ZFAT: variants seen among roughly 807,000 people sequenced by gnomAD.
The protein encoded by ZFAT is zinc finger and AT-hook domain containing, also known as zinc finger protein ZFAT.
In ZFAT, 64 loss-of-function variants were observed where a neutral mutation model predicts 117.7. That is an observed-to-expected ratio of 0.54 (90% CI 0.44 to 0.67). The LOEUF (loss-of-function observed/expected upper bound fraction) is 0.67. Among genes scored for constraint, ZFAT ranks in the 30% least tolerant of loss-of-function variants. The pLI is 0.00. For missense variants in ZFAT, 1,433 were observed against 1,584.5 expected, an observed-to-expected ratio of 0.90 and a Z score of 1.62; for synonymous variants, 679 against 615.0, an observed-to-expected ratio of 1.10 and a Z score of -1.54.
chr8:134,611,037 C>A (rs1227567161), intron 3 of ZFAT, among the ~76,000 whole-genome samples: 4 of 152,262 alleles, frequency 2.6e-5, no homozygotes, highest in Admixed American at 6.5e-5. Context: ...ATTCAACTTA[C>A]ACTTATCAGC....
intron 10 of ZFAT, among the ~76,000 whole-genome samples, chr8:134,579,537 A>T (rs1035748983): frequency 2.6e-5 from 4 of 152,318 alleles, no homozygotes; most frequent in East Asian, 1.9e-4. Context: ...TCCCTCCCAC[A>T]TCACATGAGA....
chr8:134,482,864 G>A lies in ZFAT; in HGVS notation c.3493-4143C>T, dbSNP rs543317184. 7.2e-5 allele frequency among the ~76,000 whole-genome samples: 11 copies of A among 152,336 alleles called. No individual in the cohort carries two copies. In the South Asian group the frequency reaches 1.4e-3, roughly 20 times the overall value. Reference sequence around the variant, plus strand: ...CTGTTGCCCTGTCGTGTTACTGAGCGTCCAAGACACGCAGGGTTCCTGAAG... The same window carrying A: ...CTGTTGCCCTGTCGTGTTACTGAGCATCCAAGACACGCAGGGTTCCTGAAG... On this transcript the variant is annotated intron_variant, in intron 15 of 15. Coordinates refer to ENST00000377838, the MANE Select transcript of ZFAT (RefSeq NM_020863.4).
chr8:134,714,026 A>G (rs554181897), upstream of ZFAT, among the ~76,000 whole-genome samples: 25 of 42,620 alleles, frequency 5.9e-4, no homozygotes, highest in Non-Finnish European at 1.1e-3. Context: ...CACTTACAGT[A>G]GTCATATAAA....
At chr8:134,622,921 C>T (rs960348171) in intron 3 of ZFAT, among the ~76,000 whole-genome samples, 10 of 152,112 alleles carry the variant, frequency 6.6e-5, no homozygotes, top group Non-Finnish European at 8.8e-5. Flanking sequence ...CAGCTGCCCT[C>T]GGTCCCACAG....
chr8:134,533,009 C>A, intron 11 of ZFAT, 37 bp from the exon 12 acceptor site: 1 of 1,573,542 alleles, frequency 6.4e-7, no homozygotes, highest in Non-Finnish European at 8.6e-7. Context: ...GAAAGGTGAG[C>A]CCCAGATGTC....
the ZFAT span, among the ~76,000 whole-genome samples, chr8:134,761,364 A>G: frequency 0.77 from 116,190 of 151,818 alleles, 44,981 homozygotes; most frequent in African/African-American, 0.89. Flanking sequence ...GGCTATGGAA[A>G]CACATAGTAG....
At chr8:134,617,242 G>C (rs907755434) in intron 3 of ZFAT, among the ~76,000 whole-genome samples, 5 of 152,134 alleles carry the variant, frequency 3.3e-5, no homozygotes, top group African/African-American at 1.2e-4. Context: ...CACACACCTG[G>C]AGCAGGGACT....
chr8:134,614,100 A>C (rs1405483835), intron 3 of ZFAT, among the ~76,000 whole-genome samples: 1 of 152,052 alleles, frequency 6.6e-6, no homozygotes, highest in Non-Finnish European at 1.5e-5. Context: ...TAAAAATCCA[A>C]ATCTAATCCT....
intron 3 of ZFAT, among the ~76,000 whole-genome samples, chr8:134,631,585 T>G (rs527403712): frequency 1.3e-5 from 2 of 152,318 alleles, no homozygotes; most frequent in South Asian, 4.1e-4. Flanking sequence ...GTGAGTCCAT[T>G]TACACAGTGT....
chr8:134,590,353 G>A lies in ZFAT; in HGVS notation c.2478C>T (p.Asp826=). 1 of 1,606,466 alleles carries A rather than the reference G, an allele frequency of 6.2e-7. No homozygotes were observed. The highest frequency in any genetic ancestry group is 8.5e-7 in the Non-Finnish European group (1 of 1,175,094). ...QAHLKVHTAL[D]KRSYSCPVCE... ...AAACAGGACAAGAATAACTCCTTTT[G>A]TCCTTAATAGAAAGAGAACATAATC... is the stretch of plus-strand genomic sequence containing the variant. Residue 826 remains aspartate (D), a splice_region_variant and synonymous_variant, in exon 8 of 16, where the codon GAC becomes GAT. Coordinates refer to ENST00000377838, the MANE Select transcript of ZFAT (RefSeq NM_020863.4).
chr8:134,774,263 C>T, the ZFAT span, among the ~76,000 whole-genome samples: 1 of 152,156 alleles, frequency 6.6e-6, no homozygotes, highest in Admixed American at 6.5e-5. Context: ...TCCCAAAATG[C>T]TGGGATTACA....
At chr8:134,637,234 AG>A (rs1830271860) in intron 3 of ZFAT, among the ~76,000 whole-genome samples, 1 of 152,268 alleles carries the variant, frequency 6.6e-6, no homozygotes, top group African/African-American at 2.4e-5. Flanking sequence ...CTAGCAAAGC[AG>A]TCCCCTGACC....
At chr8:134,693,855 C>T (rs993021925) in intron 1 of ZFAT, among the ~76,000 whole-genome samples, 4 of 152,198 alleles carry the variant, frequency 2.6e-5, no homozygotes, top group Non-Finnish European at 4.4e-5. Flanking sequence ...AGTAACTTTA[C>T]AGTGAAGAAA....
intron 15 of ZFAT, among the ~76,000 whole-genome samples, chr8:134,498,391 G>A (rs548613920): frequency 1.1e-5 from 1 of 91,202 alleles, no homozygotes; most frequent in South Asian, 4.8e-4. Context: ...GGGTGGAACT[G>A]GGATGCCCCC....
intron 3 of ZFAT, among the ~76,000 whole-genome samples, chr8:134,614,443 T>C (rs1036404038): frequency 1.3e-5 from 2 of 152,210 alleles, no homozygotes; most frequent in Non-Finnish European, 2.9e-5. Flanking sequence ...TCCTCTGTGA[T>C]ACTCTGTACC....
the ZFAT span, among the ~76,000 whole-genome samples, chr8:134,817,394 TACACACACA>T: frequency 2.4e-5 from 3 of 126,072 alleles, no homozygotes; most frequent in African/African-American, 9.1e-5. Flanking sequence ...TCTCTCTCTC[TACACACACA>T]CACACACACA....
chr8:134,688,815 G>A (rs1276424068), intron 1 of ZFAT, among the ~76,000 whole-genome samples: 2 of 152,192 alleles, frequency 1.3e-5, no homozygotes, highest in African/African-American at 2.4e-5. Flanking sequence ...CCAAATAAGA[G>A]CTTGCTGCAG....
chr8:134,534,698 G>A (rs997302430), intron 11 of ZFAT, among the ~76,000 whole-genome samples: 1 of 145,356 alleles, frequency 6.9e-6, no homozygotes, highest in Non-Finnish European at 1.5e-5. Context: ...GGGAGACAAG[G>A]AAAGAGACGG....
At chr8:134,596,010 C>T (rs1256395384) in intron 7 of ZFAT, among the ~76,000 whole-genome samples, 1 of 152,176 alleles carries the variant, frequency 6.6e-6, no homozygotes, top group East Asian at 1.9e-4. Flanking sequence ...GGCCAGGCAG[C>T]CAGAATTATA....
Sources: allele counts gnomAD v4.1 joint callset (sites outside exome capture counted in the v4.1 genomes callset), GRCh38; gene constraint gnomAD v4.1.1; transcripts MANE v1.5; gene names NCBI Gene and HGNC (gene_info 2026-07-23, HGNC 2026-07-21).